Variants in DYNC2H1 observed in about 807,000 individuals in gnomAD.
DYNC2H1 encodes cytoplasmic dynein 2 heavy chain 1.
DYNC2H1 carries 410 observed loss-of-function variants against 570.0 expected under a neutral mutation model. The ratio of observed to expected loss-of-function variants is 0.72; its 90% CI spans 0.66 to 0.78. The LOEUF (loss-of-function observed/expected upper bound fraction) is 0.78. DYNC2H1 is among the 30% of genes least tolerant of loss of function. DYNC2H1 has a pLI of 0.00. For synonymous variants in DYNC2H1, 1,688 were observed against 1,677.6 expected (o/e 1.01, Z -0.15); for missense variants, 4,865 against 5,046.4 (o/e 0.96, Z 1.09).
Position 103,326,272 on chromosome 11 carries a change from C to T in DYNC2H1, c.12039+2282C>T, listed in dbSNP as rs1938471438. 6.6e-6 allele frequency among the ~76,000 whole-genome samples: 1 copy of T among 152,114 alleles called. No homozygotes were observed. Among genetic ancestry groups the T allele is most frequent in the African/African-American group, 2.4e-5 (1 of 41,412 alleles). On this transcript the variant is annotated intron_variant, in intron 82 of 88. Coordinates refer to ENST00000375735, the MANE Select transcript of DYNC2H1 (RefSeq NM_001377.3). The surrounding 1 kb of genome is among the most constrained non-coding windows in gnomAD (Gnocchi z 6.1). ...GGAATAAAATCATCTCACCAGGGCC[C>T]CGTCCTTGGCTTTGAGTGAGCCTCT...
chr11:103,411,223 G>T (rs1192932876), intron 84 of DYNC2H1, among the ~76,000 whole-genome samples: 2 of 152,126 alleles, frequency 1.3e-5, no homozygotes, highest in Non-Finnish European at 2.9e-5. Context: ...GTGGTTTAAA[G>T]TTGAGTTGGC....
In DYNC2H1 at chr11:103,205,215, A is replaced by C. The variant is rs1418101195; in HGVS notation, c.8454+251A>C. ...CTATACTTTAAAATTTTATGGCTTT[A>C]ATTAACTAGCCTATTACAGGCTGTC... On this transcript the variant is annotated intron_variant, in intron 52 of 88. Coordinates refer to ENST00000375735, the MANE Select transcript of DYNC2H1 (RefSeq NM_001377.3). This position sits in a 1 kb window ranked among gnomAD's most constrained non-coding sequence, Gnocchi z 4.5. Among the ~76,000 whole-genome samples the C allele has an allele frequency of 1.3e-5, 2 of 152,116 alleles. No homozygotes were observed. The highest frequency in any genetic ancestry group is 4.8e-5 in the African/African-American group (2 of 41,442).
At chr11:103,137,368 T>C (rs1364609791) in intron 17 of DYNC2H1, among the ~76,000 whole-genome samples, 7 of 150,398 alleles carry the variant, frequency 4.7e-5, no homozygotes, top group Non-Finnish European at 8.8e-5. Context: ...AGCTCTAACG[T>C]TTAAGTCTTT....
intron 84 of DYNC2H1, among the ~76,000 whole-genome samples, chr11:103,410,995 G>T (rs1273565562): frequency 1.3e-5 from 2 of 152,098 alleles, no homozygotes; most frequent in Non-Finnish European, 2.9e-5. Flanking sequence ...GATGTAGAGG[G>T]CATTTTTCAC....
chr11:103,355,828 C>T (rs1264298436), intron 82 of DYNC2H1, among the ~76,000 whole-genome samples: 2 of 152,152 alleles, frequency 1.3e-5, no homozygotes, highest in African/African-American at 2.4e-5. Flanking sequence ...CCTTCCAACT[C>T]AGCCTCCCCA....
rs372732768 is a variant in DYNC2H1, at chr11:103,184,189, T to C, written c.6478-707T>C. Among the ~76,000 whole-genome samples the C allele has an allele frequency of 5.3e-5, 8 of 152,092 alleles. No individual in the cohort carries two copies. The East Asian group carries it at 1.5e-3, about 29-fold the overall frequency. On this transcript the variant is annotated intron_variant, in intron 40 of 88. Transcript: ENST00000375735. ...ACAACATTCTGTACTGCTGTAGCTC[T>C]TACCACAATTTGTTAACCATTTCCT...
At chr11:103,207,436 T>C (rs1171107722) in intron 52 of DYNC2H1, among the ~76,000 whole-genome samples, 4 of 151,978 alleles carry the variant, frequency 2.6e-5, no homozygotes, top group African/African-American at 9.7e-5. Context: ...GAGGAATCAT[T>C]TGTGATAACA....
At chr11:103,418,128 AT>A (rs1943354737) in intron 84 of DYNC2H1, among the ~76,000 whole-genome samples, 1 of 152,160 alleles carries the variant, frequency 6.6e-6, no homozygotes, top group African/African-American at 2.4e-5. Flanking sequence ...GGAATGAGGC[AT>A]TAAGCTCCAC....
intron 86 of DYNC2H1, 67 bp from the exon 87 acceptor site, chr11:103,456,208 C>T: frequency 7.5e-6 from 9 of 1,205,076 alleles, no homozygotes; most frequent in Non-Finnish European, 1.1e-5. Flanking sequence ...ACTATATCTT[C>T]AGTTACTCTT....
At chr11:103,364,122 T>A (rs1331888949) in intron 83 of DYNC2H1, among the ~76,000 whole-genome samples, 5 of 152,226 alleles carry the variant, frequency 3.3e-5, no homozygotes, top group Non-Finnish European at 7.3e-5. Flanking sequence ...ACATTTTACA[T>A]AATGTGAATA....
At chr11:103,371,752 A>G (rs1196195737) in intron 83 of DYNC2H1, among the ~76,000 whole-genome samples, 1 of 152,106 alleles carries the variant, frequency 6.6e-6, no homozygotes, top group African/African-American at 2.4e-5. Flanking sequence ...ATTTGCAGAT[A>G]GCTCACTATT....
chr11:103,450,710 T>G (rs2135792492), intron 85 of DYNC2H1, among the ~76,000 whole-genome samples: 1 of 152,318 alleles, frequency 6.6e-6, no homozygotes, highest in East Asian at 1.9e-4. Context: ...ATTACTTATT[T>G]GCATTAAACA....
At chr11:103,380,759 G>T (rs1297718218) in intron 83 of DYNC2H1, among the ~76,000 whole-genome samples, 1 of 151,980 alleles carries the variant, frequency 6.6e-6, no homozygotes, top group Non-Finnish European at 1.5e-5. Context: ...ATGGGGTTTC[G>T]CCTTGTTACT....
chr11:103,110,365 A>G (rs1385058679), intron 1 of DYNC2H1, among the ~76,000 whole-genome samples: 1 of 151,202 alleles, frequency 6.6e-6, no homozygotes, highest in Non-Finnish European at 1.5e-5. Flanking sequence ...AAAAGAAAAC[A>G]TTTACTTAGT....
In DYNC2H1 at chr11:103,241,746, A is replaced by G. The variant is rs1192461454; in HGVS notation, c.9820-1947A>G. On this transcript the variant is annotated intron_variant, in intron 63 of 88. Coordinates refer to ENST00000375735, the MANE Select transcript of DYNC2H1 (RefSeq NM_001377.3). This position sits in a 1 kb window ranked among gnomAD's most constrained non-coding sequence, Gnocchi z 5.1. ...CATTTACGTGATGGAGCAGTAAGTG[A>G]AATCTCTAGAAATAGATGCTGGGTG... 2.0e-5 allele frequency among the ~76,000 whole-genome samples: 3 copies of G among 152,158 alleles called. No individual in the cohort carries two copies. Among genetic ancestry groups the G allele is most frequent in the Non-Finnish European group, 4.4e-5 (3 of 68,016 alleles).
In DYNC2H1 at chr11:103,264,638, AAC is replaced by A. The variant is rs1254345526; in HGVS notation, c.10695+4666_10695+4667del. 6.6e-6 allele frequency among the ~76,000 whole-genome samples: 1 copy of A among 152,226 alleles called. No homozygotes were observed. The highest frequency in any genetic ancestry group is 6.5e-5 in the Admixed American group (1 of 15,290). On this transcript the variant is annotated intron_variant, in intron 70 of 88. Coordinates refer to ENST00000375735, the MANE Select transcript of DYNC2H1 (RefSeq NM_001377.3). The surrounding 1 kb of genome is among the most constrained non-coding windows in gnomAD (Gnocchi z 4.8). Reference sequence around the variant, plus strand: ...GCAGAAAAGGCCTCCAATAAAATTCAACACACCTTCATGCTGAAAACTTCATA... The same window carrying A: ...GCAGAAAAGGCCTCCAATAAAATTCAACACCTTCATGCTGAAAACTTCATA...
intron 80 of DYNC2H1, among the ~76,000 whole-genome samples, chr11:103,320,230 C>T (rs1938096394): frequency 6.6e-6 from 1 of 152,048 alleles, no homozygotes; most frequent in Admixed American, 6.6e-5. Context: ...ATGGTGAAAT[C>T]CCGTCTCTAC....
Position 103,440,495 on chromosome 11 carries a change from C to A in DYNC2H1, c.12456+4463C>A, listed in dbSNP as rs115268568. Among the ~76,000 whole-genome samples, 752 of 152,212 alleles carry A rather than the reference C, an allele frequency of 4.9e-3. 2 individuals are homozygous for A. The highest frequency in any genetic ancestry group is 0.017 in the African/African-American group (720 of 41,528). On this transcript the variant is annotated intron_variant, in intron 85 of 88. Transcript: ENST00000375735. ...CTACCAAATCCTGCCACCCTTCATTCTTATGACAGAATTTTGTTGTTTATA... is the reference window on the plus strand; with the variant it reads ...CTACCAAATCCTGCCACCCTTCATTATTATGACAGAATTTTGTTGTTTATA...
intron 84 of DYNC2H1, among the ~76,000 whole-genome samples, chr11:103,432,891 T>C (rs1943943170): frequency 6.6e-6 from 1 of 152,092 alleles, no homozygotes; most frequent in Non-Finnish European, 1.5e-5. Flanking sequence ...AATATTAGCT[T>C]AAAAAAATTT....
Sources: gnomAD v4.1 joint callset for allele counts (sites outside exome capture counted in the v4.1 genomes callset) on GRCh38, gnomAD v4.1.1 for gene constraint, Gnocchi (gnomAD v3.1) non-coding constraint, MANE v1.5 for transcripts, NCBI Gene and HGNC (gene_info 2026-07-23, HGNC 2026-07-21) for gene names.